GNPDA1: variants seen among roughly 807,000 people sequenced by gnomAD.
The protein encoded by GNPDA1 is GNPDA 1.
In GNPDA1, 24 loss-of-function variants were observed where a neutral mutation model predicts 28.5. The observed-to-expected ratio is 0.84, with a 90% CI of 0.61 to 1.19. GNPDA1 has a LOEUF of 1.19. Ranked by LOEUF, GNPDA1 falls within the 50% of genes most tolerant of loss-of-function variation. The pLI is 0.00. For synonymous variants in GNPDA1, 147 were observed against 139.3 expected, an observed-to-expected ratio of 1.06 and a Z score of -0.39; for missense variants, 264 against 367.3, an observed-to-expected ratio of 0.72 and a Z score of 2.30.
chr5:142,003,157 G>A lies in GNPDA1; in HGVS notation c.700C>T (p.Arg234Cys), dbSNP rs373357292. The A allele has an allele frequency of 1.4e-5, 22 of 1,613,996 alleles. No individual in the cohort carries two copies. The highest frequency in any genetic ancestry group is 1.6e-4 in the Middle Eastern group (1 of 6,084). Residue 234 changes from arginine to cysteine, a missense_variant, in exon 6 of 7, where the codon CGC (arginine) becomes TGC (cysteine). By Grantham distance (180) the Arg-to-Cys change is radical. Coordinates refer to ENST00000311337, the MANE Select transcript of GNPDA1 (RefSeq NM_005471.5). This position sits in a 1 kb window ranked among gnomAD's most constrained non-coding sequence, Gnocchi z 4.0. ...TCCTCGTCACACACAAACACGGTGC[G>A]GGGATGCTGCTGGAAGGCAGACACG... ...WTVSAFQQHP[R>C]TVFVCDEDAT...
chr5:142,006,076 C>T, intron 4 of GNPDA1, 68 bp downstream of exon 4: 1 of 1,295,076 alleles, frequency 7.7e-7, no homozygotes, highest in Non-Finnish European at 1.1e-6. Context: ...TGCAGACAGG[C>T]ATTGTGTCTT....
intron 6 of GNPDA1, among the ~76,000 whole-genome samples, chr5:142,002,718 C>T (rs1025080808): frequency 1.3e-5 from 2 of 152,088 alleles, no homozygotes; most frequent in African/African-American, 2.4e-5. Context: ...CACACCACTG[C>T]ACTCCAGCCT....
chr5:142,010,863 A>G (rs1463818919), intron 2 of GNPDA1, among the ~76,000 whole-genome samples: 1 of 151,740 alleles, frequency 6.6e-6, no homozygotes, highest in Non-Finnish European at 1.5e-5. Flanking sequence ...GAAGAATAAT[A>G]TTTTGTGACA....
Position 142,001,909 on chromosome 5 carries a change from T to C in GNPDA1, c.*120A>G, listed in dbSNP as rs1331485140. The C allele has an allele frequency of 2.0e-6, 1 of 497,442 alleles. No individual in the cohort carries two copies. The highest frequency in any genetic ancestry group is 3.6e-6 in the Non-Finnish European group (1 of 280,810). The allele number at this position is 497,442 out of a possible 1,614,324, so 30.8% of individuals were successfully genotyped here. On this transcript the variant is annotated 3_prime_UTR_variant, in exon 7 of 7. Transcript: ENST00000311337. ...AGCCTCATGGCCAAGAACAATAAGT[T>C]CACCCACTTATCTGGAGTAACCATA... is the stretch of plus-strand genomic sequence containing the variant.
In GNPDA1 at chr5:142,006,476, C is replaced by T. The variant is rs531873679; in HGVS notation, c.227-150G>A. ...AGGCACCAGCCCTCTGACCCCTAGC[C>T]ACTCGGCACAGGCTGAGCCAGTATC... On this transcript the variant is annotated intron_variant, in intron 3 of 6. Coordinates refer to ENST00000311337, the MANE Select transcript of GNPDA1 (RefSeq NM_005471.5). 4.0e-4 allele frequency: 241 copies of T among 598,758 alleles called. 4 individuals are homozygous for T. The South Asian group carries it at 4.5e-3, about 11-fold the overall frequency. 37.1% of individuals were successfully genotyped at this position (598,758 alleles called of 1,614,324 possible).
Position 142,006,077 on chromosome 5 carries a change from A to T in GNPDA1, c.409+67T>A, listed in dbSNP as rs1485307907. 5.3e-6 allele frequency: 7 copies of T among 1,326,150 alleles called. 1 individual carries two copies. The South Asian group carries it at 9.2e-5, about 17-fold the overall frequency. 82.1% of individuals were successfully genotyped at this position (1,326,150 alleles called of 1,614,324 possible). On this transcript the variant is annotated intron_variant, in intron 4 of 6. Transcript: ENST00000311337. ...CAGAAGAAGCTGTCTGCAGACAGGC[A>T]TTGTGTCTTGTCCTCCTTCCCACGG...
intron 6 of GNPDA1, 42 bp from the exon 7 acceptor site, chr5:142,002,171 G>A (rs768223053): frequency 2.9e-5 from 29 of 1,012,520 alleles, no homozygotes; most frequent in Non-Finnish European, 4.0e-5. Context: ...TTCAGGCAGT[G>A]GCAAGAGTTC....
At chr5:142,010,230 C>T (rs1337030336) in intron 2 of GNPDA1, among the ~76,000 whole-genome samples, 4 of 152,156 alleles carry the variant, frequency 2.6e-5, no homozygotes, top group Non-Finnish European at 4.4e-5. Context: ...ACAATCTCAG[C>T]TCACTGTAAC....
chr5:142,012,720 GA>G, intron 1 of GNPDA1: 6 of 979,330 alleles, frequency 6.1e-6, no homozygotes, highest in Non-Finnish European at 7.3e-6. Context: ...GCACAAAAGG[GA>G]AAAGGTAATC....
At chr5:142,011,279 C>T (rs997833411) in intron 2 of GNPDA1, among the ~76,000 whole-genome samples, 6 of 73,548 alleles carry the variant, frequency 8.2e-5, no homozygotes, top group South Asian at 4.2e-4. Flanking sequence ...GAAGACCCCT[C>T]CAACACACAC....
At chr5:142,004,144 G>A (rs888615690) in intron 5 of GNPDA1, among the ~76,000 whole-genome samples, 3 of 152,062 alleles carry the variant, frequency 2.0e-5, no homozygotes, top group South Asian at 2.1e-4. Context: ...TGATAAAGAC[G>A]GCCCTAAACC....
chr5:142,002,207 G>A (rs1420265979), intron 6 of GNPDA1, 78 bp from the exon 7 acceptor site: 3 of 739,624 alleles, frequency 4.1e-6, no homozygotes, highest in East Asian at 2.6e-5. Flanking sequence ...TAACATCCAG[G>A]AGCTCTCAAA....
At chr5:142,005,355 C>T (rs1482878514) in intron 4 of GNPDA1, 2 of 390,942 alleles carry the variant, frequency 5.1e-6, no homozygotes, top group Non-Finnish European at 4.7e-6. Context: ...CTATCTGAGG[C>T]ACACACAGAC....
At chr5:142,010,142 G>A (rs1355122957) in intron 2 of GNPDA1, among the ~76,000 whole-genome samples, 1 of 152,218 alleles carries the variant, frequency 6.6e-6, no homozygotes, top group Non-Finnish European at 1.5e-5. Flanking sequence ...TGGTCCACAG[G>A]CCAAATTTGG....
At chr5:142,005,174 T>C in intron 4 of GNPDA1, 58 bp from the exon 5 acceptor site, 1 of 1,335,360 alleles carries the variant, frequency 7.5e-7, no homozygotes, top group Non-Finnish European at 1.0e-6. Flanking sequence ...ATTTCAAGAA[T>C]GGACAATCTC....
At chr5:142,011,383 A>T (rs538286685) in intron 2 of GNPDA1, among the ~76,000 whole-genome samples, 94 of 152,320 alleles carry the variant, frequency 6.2e-4, no homozygotes, top group Non-Finnish European at 1.1e-3. Context: ...ATTTGTCTTG[A>T]GGAGCTGGGG....
At position 142,003,710 on chromosome 5, in the gene GNPDA1, G is replaced by A. The variant is rs892454377; in HGVS notation, c.595-448C>T. Among the ~76,000 whole-genome samples the A allele has an allele frequency of 5.3e-5, 8 of 152,126 alleles. No individual in the cohort carries two copies. The highest frequency in any genetic ancestry group is 7.4e-5 in the Non-Finnish European group (5 of 68,026). ...AAGCAATGGTGGGAGTTATCTGTGG[G>A]GCCTCTAAGGCTGAATCCCAGAAAG... On this transcript the variant is annotated intron_variant, in intron 5 of 6. Coordinates refer to ENST00000311337, the MANE Select transcript of GNPDA1 (RefSeq NM_005471.5). The surrounding 1 kb of genome is among the most constrained non-coding windows in gnomAD (Gnocchi z 4.0).
rs150614647 is a variant in GNPDA1, at chr5:142,003,580, G to A, written c.595-318C>T. On this transcript the variant is annotated intron_variant, in intron 5 of 6. Coordinates refer to ENST00000311337, the MANE Select transcript of GNPDA1 (RefSeq NM_005471.5). This position sits in a 1 kb window ranked among gnomAD's most constrained non-coding sequence, Gnocchi z 4.0. ...TGACTATGAAGGTGCCCTGTAAACA[G>A]ACATGCCATGCCCAGGCCTGCTATC... Among the ~76,000 whole-genome samples, 927 of 152,260 alleles carry A rather than the reference G, an allele frequency of 6.1e-3. 9 individuals are homozygous for A. Among genetic ancestry groups the A allele is most frequent in the African/African-American group, 0.019 (796 of 41,538 alleles).
At chr5:142,011,567 G>T (rs796588512) in intron 2 of GNPDA1, among the ~76,000 whole-genome samples, 3 of 152,352 alleles carry the variant, frequency 2.0e-5, no homozygotes, top group Non-Finnish European at 2.9e-5. Flanking sequence ...GCAGAGAAGA[G>T]AAATTAATTC....
Sources: allele counts gnomAD v4.1 joint callset (sites outside exome capture counted in the v4.1 genomes callset), GRCh38; gene constraint gnomAD v4.1.1; non-coding constraint Gnocchi (gnomAD v3.1); transcripts MANE v1.5; gene names NCBI Gene and HGNC (gene_info 2026-07-23, HGNC 2026-07-21).